Variants in PSMG2 observed in about 807,000 individuals in gnomAD.
The protein encoded by PSMG2 is CD40 ligand-activated specific transcript 3.
In PSMG2, 21 loss-of-function variants were observed where a neutral mutation model predicts 31.5. The observed-to-expected ratio is 0.67, with a 90% CI of 0.47 to 0.96. The LOEUF is 0.96. Ranked by LOEUF, PSMG2 falls within the 40% of genes least tolerant of loss-of-function variation. The pLI, the probability that PSMG2 is intolerant of heterozygous loss-of-function variation, is 0.00. For synonymous variants in PSMG2, 120 were observed against 110.4 expected (o/e 1.09, Z -0.54); for missense variants, 318 against 321.2 (o/e 0.99, Z 0.08).
At chr18:12,687,544 A>G (rs1289464949) in intron 1 of PSMG2, among the ~76,000 whole-genome samples, 2 of 145,952 alleles carry the variant, frequency 1.4e-5, no homozygotes, top group African/African-American at 2.6e-5. Flanking sequence ...ACCTCCGCCC[A>G]TGGGTTCAAG....
At chr18:12,710,552 A>G (rs1568041673) in intron 2 of PSMG2, among the ~76,000 whole-genome samples, 1 of 152,010 alleles carries the variant, frequency 6.6e-6, no homozygotes, top group Non-Finnish European at 1.5e-5. Context: ...TTTCATCACA[A>G]ACCGATTTAT....
chr18:12,705,215 C>T (rs2040252223), intron 1 of PSMG2, among the ~76,000 whole-genome samples: 1 of 151,998 alleles, frequency 6.6e-6, no homozygotes, highest in Admixed American at 6.6e-5. Context: ...TAGGCATGCA[C>T]CACCACGCCC....
At chr18:12,674,602 G>A in intron 1 of PSMG2, 3 of 1,614,030 alleles carry the variant, frequency 1.9e-6, no homozygotes, top group Non-Finnish European at 8.5e-7. Flanking sequence ...CCCTTTAAAT[G>A]TGTGACCATC....
At chr18:12,667,321 G>A (rs1390711232) in intron 1 of PSMG2, among the ~76,000 whole-genome samples, 1 of 152,136 alleles carries the variant, frequency 6.6e-6, no homozygotes, top group Non-Finnish European at 1.5e-5. Context: ...GCTGAGTGTG[G>A]TGGTACATGC....
chr18:12,672,707 T>G, intron 1 of PSMG2: 1 of 972,260 alleles, frequency 1.0e-6, no homozygotes, highest in Non-Finnish European at 1.2e-6. Flanking sequence ...CCCAATTCAT[T>G]TTTACAACAA....
chr18:12,691,474 C>T (rs564175699), intron 1 of PSMG2: 18 of 1,592,474 alleles, frequency 1.1e-5, no homozygotes, highest in East Asian at 6.7e-5. Context: ...AGTTTTCTGA[C>T]GTTCCAAAGC....
intron 1 of PSMG2, among the ~76,000 whole-genome samples, chr18:12,673,945 G>C (rs1412645780): frequency 6.6e-6 from 1 of 152,082 alleles, no homozygotes; most frequent in Non-Finnish European, 1.5e-5. Flanking sequence ...CTGTAATTTT[G>C]GTCAAGCTAT....
At position 12,667,409 on chromosome 18, in the gene PSMG2, A is replaced by T. The variant is rs1159885645; in HGVS notation, c.-37+8636A>T. Among the ~76,000 whole-genome samples, 6 of 152,032 alleles carry T rather than the reference A, an allele frequency of 3.9e-5. No individual in the cohort carries two copies. The South Asian group carries it at 8.3e-4, about 21-fold the overall frequency. On this transcript the variant is annotated intron_variant, in intron 1 of 6. Coordinates refer to the PSMG2 transcript ENST00000585331. ...GTGTTCAAGGCTGCAGTGAGCTATG[A>T]TCACACCACTGCACTCTATCCCCAA...
At chr18:12,688,501 AAG>A (rs925278068) in intron 1 of PSMG2, among the ~76,000 whole-genome samples, 2 of 152,226 alleles carry the variant, frequency 1.3e-5, no homozygotes, top group Non-Finnish European at 1.5e-5. Context: ...ATGAGCACAT[AAG>A]AAGTGGAAGC....
rs766640104 is a variant in PSMG2 at position 12,718,572 on chromosome 18, G to T, written c.344G>T (p.Cys115Phe). Residue 115 changes from cysteine (C) to phenylalanine (F), a missense_variant, in exon 4 of 7, where the codon TGT (cysteine) becomes TTT (phenylalanine). Physicochemically the swap from Cys to Phe is radical, Grantham distance 205. Transcript: ENST00000317615. ...CTTTCCTGGGTGAAAAGCAGTGGCT[G>T]TGCCAGAGTCATTGTTCTTTCAAGC... ...KLLSWVKSSG[C>F]ARVIVLSSSH... 6.2e-7 allele frequency: 1 copy of T among 1,612,500 alleles called. No individual in the cohort carries two copies. Among genetic ancestry groups the T allele is most frequent in the South Asian group, 1.1e-5 (1 of 90,864 alleles).
intron 2 of PSMG2, among the ~76,000 whole-genome samples, chr18:12,707,655 G>T (rs748963490): frequency 6.6e-6 from 1 of 152,170 alleles, no homozygotes. Context: ...TAAGAGAAGA[G>T]CTCCTGTTGA....
At chr18:12,708,312 C>A (rs1054692363) in intron 2 of PSMG2, among the ~76,000 whole-genome samples, 3 of 151,882 alleles carry the variant, frequency 2.0e-5, no homozygotes, top group Non-Finnish European at 4.4e-5. Context: ...ATACTTTCCA[C>A]TAGTGATAAC....
chr18:12,711,750 C>CTTT (rs34631690), intron 2 of PSMG2, among the ~76,000 whole-genome samples: 2,809 of 97,474 alleles, frequency 0.029, 190 homozygotes, highest in African/African-American at 0.093. Flanking sequence ...GCTTCTCATT[C>CTTT]TTTTTTTTTT....
intron 1 of PSMG2, among the ~76,000 whole-genome samples, chr18:12,659,359 A>C (rs1203334503): frequency 3.9e-5 from 6 of 152,168 alleles, no homozygotes; most frequent in African/African-American, 1.4e-4. Context: ...CAACAGGACG[A>C]AAAGGAAAAT....
intron 1 of PSMG2, among the ~76,000 whole-genome samples, chr18:12,663,279 A>C (rs1056771430): frequency 1.3e-5 from 2 of 152,208 alleles, no homozygotes; most frequent in African/African-American, 4.8e-5. Flanking sequence ...AATAAGGCCC[A>C]AAAATATATA....
chr18:12,699,548 ATT>A (rs1203516239), upstream of PSMG2, among the ~76,000 whole-genome samples: 1 of 152,184 alleles, frequency 6.6e-6, no homozygotes, highest in Non-Finnish European at 1.5e-5. Flanking sequence ...CAGCAAGTGT[ATT>A]TGTCAATTAT....
intron 2 of PSMG2, among the ~76,000 whole-genome samples, chr18:12,708,761 A>T (rs1254365805): frequency 2.2e-5 from 3 of 135,616 alleles, no homozygotes; most frequent in East Asian, 2.1e-4. Context: ...GCTGGAGTGC[A>T]ATGGCACAAT....
intron 1 of PSMG2, among the ~76,000 whole-genome samples, chr18:12,670,198 C>T (rs771552284): frequency 2.6e-5 from 4 of 151,554 alleles, no homozygotes; most frequent in South Asian, 2.1e-4. Context: ...GGCGTGGTAG[C>T]GTGTGCCTGT....
intron 2 of PSMG2, among the ~76,000 whole-genome samples, chr18:12,707,338 T>A (rs529539538): frequency 2.0e-5 from 3 of 152,188 alleles, no homozygotes; most frequent in Admixed American, 6.6e-5. Context: ...CAGTTTTATC[T>A]CCTGTTCTTA....
Sources: allele counts gnomAD v4.1 joint callset (sites outside exome capture counted in the v4.1 genomes callset), GRCh38; gene constraint gnomAD v4.1.1; transcripts MANE v1.5; gene names NCBI Gene and HGNC (gene_info 2026-07-23, HGNC 2026-07-21).